The following RAPGEF4 variants were observed in gnomAD, a reference collection of about 807,000 sequenced individuals.
The protein encoded by RAPGEF4 is Rap guanine nucleotide exchange factor 4.
Under a neutral mutation model 147.9 loss-of-function variants are expected in RAPGEF4, and 66 were observed. That is an observed-to-expected ratio of 0.45 (90% CI 0.37 to 0.55). RAPGEF4 has a LOEUF of 0.55. Among genes scored for constraint, RAPGEF4 ranks in the 20% least tolerant of loss-of-function variants. The pLI is 0.00. For missense variants in RAPGEF4, 1,071 were observed against 1,257.3 expected, an observed-to-expected ratio of 0.85 and a Z score of 2.24; for synonymous variants, 419 against 442.7, an observed-to-expected ratio of 0.95 and a Z score of 0.67.
chr2:172,953,702 G>A (rs1224685203), intron 6 of RAPGEF4, among the ~76,000 whole-genome samples: 3 of 152,146 alleles, frequency 2.0e-5, no homozygotes, highest in Admixed American at 6.5e-5. Flanking sequence ...TGTTTTAAAT[G>A]TTCAGCTCTT....
chr2:172,947,765 G>T (rs1486595375), intron 6 of RAPGEF4, among the ~76,000 whole-genome samples: 3 of 151,686 alleles, frequency 2.0e-5, no homozygotes, highest in Admixed American at 6.6e-5. Context: ...AATTTTTTTT[G>T]ATAAGAAGTT....
chr2:172,926,880 A>G (rs892821760), intron 6 of RAPGEF4, among the ~76,000 whole-genome samples: 4 of 152,148 alleles, frequency 2.6e-5, no homozygotes, highest in African/African-American at 4.8e-5. Flanking sequence ...CGAGGTCCTC[A>G]TTTTTTAGGC....
In RAPGEF4 at chr2:172,966,129, A is replaced by G. The variant is rs115414051; in HGVS notation, c.820+446A>G. 2.3e-3 allele frequency among the ~76,000 whole-genome samples: 356 copies of G among 152,270 alleles called. 3 individuals carry two copies. Among genetic ancestry groups the G allele is most frequent in the African/African-American group, 8.4e-3 (349 of 41,556 alleles). On this transcript the variant is annotated intron_variant, in intron 9 of 30. Transcript: ENST00000397081. ...CCGCTGTCTGGGAGAGCCAATTTGTATACCCACAGGATGACCATATTTAAA... is the reference window on the plus strand; with the variant it reads ...CCGCTGTCTGGGAGAGCCAATTTGTGTACCCACAGGATGACCATATTTAAA...
chr2:172,855,543 G>A (rs1693319653), intron 4 of RAPGEF4, among the ~76,000 whole-genome samples: 1 of 152,058 alleles, frequency 6.6e-6, no homozygotes, highest in South Asian at 2.1e-4. Flanking sequence ...CCTTCCTATA[G>A]ATCTGGCTAA....
chr2:172,853,759 G>A (rs967850905), intron 4 of RAPGEF4, among the ~76,000 whole-genome samples: 1 of 151,818 alleles, frequency 6.6e-6, no homozygotes, highest in East Asian at 1.9e-4. Flanking sequence ...TCAAAATACT[G>A]TGTATTTCCC....
At chr2:172,901,025 G>A (rs1233908691) in intron 4 of RAPGEF4, among the ~76,000 whole-genome samples, 12 of 151,986 alleles carry the variant, frequency 7.9e-5, no homozygotes, top group Non-Finnish European at 1.5e-5. Flanking sequence ...ATTGAAAGTG[G>A]AGTTACAACA....
chr2:172,766,163 A>G (rs1335301347), intron 1 of RAPGEF4, among the ~76,000 whole-genome samples: 2 of 151,992 alleles, frequency 1.3e-5, no homozygotes, highest in Non-Finnish European at 2.9e-5. Context: ...CTGAATTTTT[A>G]CTTTTATTTA....
At chr2:173,033,659 A>C (rs1350524637) in intron 26 of RAPGEF4, among the ~76,000 whole-genome samples, 1 of 152,212 alleles carries the variant, frequency 6.6e-6, no homozygotes, top group Non-Finnish European at 1.5e-5. Context: ...TAGTTCAGAA[A>C]ACATTATAAA....
intron 10 of RAPGEF4, among the ~76,000 whole-genome samples, chr2:172,970,836 A>G (rs1370874557): frequency 2.6e-5 from 4 of 152,192 alleles, no homozygotes; most frequent in African/African-American, 9.7e-5. Context: ...TGCATGTGAA[A>G]TTAGCTTTTT....
At chr2:172,851,632 G>A (rs1692840391) in intron 4 of RAPGEF4, among the ~76,000 whole-genome samples, 1 of 152,150 alleles carries the variant, frequency 6.6e-6, no homozygotes, top group Admixed American at 6.5e-5. Flanking sequence ...GAATGAGATA[G>A]TGTTCTTTGC....
intron 17 of RAPGEF4, among the ~76,000 whole-genome samples, chr2:173,012,281 G>A (rs1695101036): frequency 6.6e-6 from 1 of 152,162 alleles, no homozygotes; most frequent in Admixed American, 6.5e-5. Flanking sequence ...GCAGTCTAGG[G>A]AGCGAGCCCA....
At chr2:173,027,493 A>T (rs928241774) in intron 25 of RAPGEF4, among the ~76,000 whole-genome samples, 8 of 152,192 alleles carry the variant, frequency 5.3e-5, no homozygotes, top group African/African-American at 1.4e-4. Context: ...CGAAGTTGTG[A>T]CCTCTCTTTG....
chr2:172,949,738 G>A (rs978844368), intron 6 of RAPGEF4, among the ~76,000 whole-genome samples: 1 of 152,198 alleles, frequency 6.6e-6, no homozygotes, highest in African/African-American at 2.4e-5. Flanking sequence ...TGACAAATCA[G>A]ATGAGCACAA....
chr2:172,963,838 C>A (rs948058769), intron 8 of RAPGEF4, among the ~76,000 whole-genome samples: 10 of 152,264 alleles, frequency 6.6e-5, no homozygotes, highest in Non-Finnish European at 1.5e-4. Context: ...CATAACCCCC[C>A]AAAATAACTA....
chr2:172,855,758 T>C (rs1693343162), intron 4 of RAPGEF4, among the ~76,000 whole-genome samples: 1 of 152,220 alleles, frequency 6.6e-6, no homozygotes, highest in Non-Finnish European at 1.5e-5. Context: ...TTCCTGTTGG[T>C]ATTTTAATGA....
chr2:172,770,666 A>G (rs1683459975), intron 1 of RAPGEF4, among the ~76,000 whole-genome samples: 2 of 152,212 alleles, frequency 1.3e-5, no homozygotes, highest in Non-Finnish European at 2.9e-5. Context: ...GTGGCATGCA[A>G]TAGGCACTAG....
chr2:172,875,591 T>C (rs967182503), intron 4 of RAPGEF4, among the ~76,000 whole-genome samples: 1 of 152,234 alleles, frequency 6.6e-6, no homozygotes, highest in African/African-American at 2.4e-5. Context: ...GGCTCTGTTC[T>C]GTTCCATTGT....
At chr2:172,781,208 T>G (rs1352918425) in intron 1 of RAPGEF4, among the ~76,000 whole-genome samples, 2 of 152,176 alleles carry the variant, frequency 1.3e-5, no homozygotes, top group African/African-American at 4.8e-5. Context: ...ATTCATAAAT[T>G]TAGAAAGGAA....
chr2:173,016,749 C>T (rs72909440), intron 19 of RAPGEF4, among the ~76,000 whole-genome samples: 8,587 of 152,202 alleles, frequency 0.056, 334 homozygotes, highest in East Asian at 0.1. Flanking sequence ...AAATGGCCAG[C>T]GGCATTTAAA....
Sources: gnomAD v4.1 joint callset for allele counts (sites outside exome capture counted in the v4.1 genomes callset) on GRCh38, gnomAD v4.1.1 for gene constraint, MANE v1.5 for transcripts, NCBI Gene and HGNC (gene_info 2026-07-23, HGNC 2026-07-21) for gene names.